The following GPCPD1 variants were observed in gnomAD, a reference collection of about 807,000 sequenced individuals.
GPCPD1 encodes glycerophosphocholine phosphodiesterase GPCPD1.
GPCPD1 carries 29 observed loss-of-function variants against 89.2 expected under a neutral mutation model. The observed-to-expected ratio is 0.33, with a 90% CI of 0.24 to 0.44. GPCPD1 has a LOEUF of 0.44. Among genes scored for constraint, GPCPD1 ranks in the 20% least tolerant of loss-of-function variants. The pLI, the probability that GPCPD1 is intolerant of heterozygous loss-of-function variation, is 1.00. For missense variants in GPCPD1, 594 were observed against 808.9 expected, an observed-to-expected ratio of 0.73 and a Z score of 3.22; for synonymous variants, 258 against 266.3, an observed-to-expected ratio of 0.97 and a Z score of 0.30.
At chr20:5,579,362 T>A (rs944821293) in intron 7 of GPCPD1, among the ~76,000 whole-genome samples, 7 of 152,164 alleles carry the variant, frequency 4.6e-5, no homozygotes, top group Non-Finnish European at 1.0e-4. Context: ...TATATCAATT[T>A]TTTCTTTTTT....
intron 11 of GPCPD1, among the ~76,000 whole-genome samples, chr20:5,571,395 TTAG>T (rs1027884478): frequency 6.6e-6 from 1 of 152,212 alleles, no homozygotes; most frequent in Non-Finnish European, 1.5e-5. Flanking sequence ...GAAAATAATT[TTAG>T]TAGAAGACAA....
chr20:5,560,634 A>T (rs1986030851), intron 16 of GPCPD1, among the ~76,000 whole-genome samples: 1 of 152,226 alleles, frequency 6.6e-6, no homozygotes, highest in Non-Finnish European at 1.5e-5. Flanking sequence ...CTAGAAGCTC[A>T]GAAAACTAAA....
intron 19 of GPCPD1, among the ~76,000 whole-genome samples, chr20:5,553,535 A>G (rs1436350269): frequency 1.3e-5 from 2 of 152,242 alleles, no homozygotes; most frequent in Non-Finnish European, 2.9e-5. Flanking sequence ...AAACTAAGAT[A>G]GGCTGAAAGC....
intron 7 of GPCPD1, 74 bp downstream of exon 7, chr20:5,579,934 A>G (rs943588478): frequency 8.6e-6 from 8 of 933,888 alleles, no homozygotes; most frequent in African/African-American, 6.6e-5. Context: ...CTTAAAGGCT[A>G]AAACCAATTG....
At chr20:5,598,855 A>T in intron 2 of GPCPD1, 34 bp from the exon 3 acceptor site, 1 of 1,315,142 alleles carries the variant, frequency 7.6e-7, no homozygotes, top group Non-Finnish European at 1.1e-6. Context: ...ACAGAGAAAC[A>T]GAACAATCAG....
chr20:5,601,361 C>CT (rs1209326779), intron 2 of GPCPD1, among the ~76,000 whole-genome samples: 2,371 of 73,032 alleles, frequency 0.032, 120 homozygotes, highest in African/African-American at 0.088. Flanking sequence ...CCCTGTTAAT[C>CT]TTTTTTTTTT....
At chr20:5,571,780 A>G (rs1444889501) in intron 11 of GPCPD1, among the ~76,000 whole-genome samples, 1 of 152,054 alleles carries the variant, frequency 6.6e-6, no homozygotes, top group East Asian at 1.9e-4. Context: ...ATGGTGGCAA[A>G]CGCCTGTAAT....
In GPCPD1 at chr20:5,544,883, G is replaced by C. The variant is rs1984960594; in HGVS notation, c.*2778C>G. 1 of 152,222 alleles carries C rather than the reference G, an allele frequency of 6.6e-6. No individual in the cohort carries two copies. The highest frequency in any genetic ancestry group is 2.4e-5 in the African/African-American group (1 of 41,446). The allele number at this position is 152,222 out of a possible 1,614,324, so 9.4% of individuals were successfully genotyped here. A position where few individuals can be genotyped will look rare whatever the true frequency, so the allele number is the denominator to read the frequency against. The stretch of plus-strand genomic sequence containing the variant: ...GCAGTACTGAGGTAGCTGTAAGCTT[G>C]GAGTTTGGATGGGAGACGACAGACA... On this transcript the variant is annotated 3_prime_UTR_variant, in exon 20 of 20. Transcript: ENST00000379019.
At chr20:5,561,401 G>C in intron 16 of GPCPD1, 64 bp downstream of exon 16, 1 of 855,406 alleles carries the variant, frequency 1.2e-6, no homozygotes, top group Non-Finnish European at 1.9e-6. Flanking sequence ...ACAAAGACAG[G>C]AATGAAAGAA....
chr20:5,566,961 C>T (rs112748395), intron 13 of GPCPD1, among the ~76,000 whole-genome samples, 189 bp from the exon 14 acceptor site: 7 of 152,126 alleles, frequency 4.6e-5, no homozygotes, highest in African/African-American at 1.7e-4. Flanking sequence ...AGATAATGAT[C>T]AAATACTCAA....
chr20:5,549,279 C>T, intron 19 of GPCPD1: 2 of 877,576 alleles, frequency 2.3e-6, no homozygotes, highest in Non-Finnish European at 1.9e-6. Flanking sequence ...GATATATGTG[C>T]AGCTGTTCTT....
intron 5 of GPCPD1, chr20:5,585,637 AAAAG>A (rs1305086442): frequency 6.6e-6 from 1 of 151,710 alleles, no homozygotes; most frequent in African/African-American, 2.4e-5. Context: ...ACAAAAAAAA[AAAAG>A]AAAACTTTCC....
At chr20:5,607,116 GTC>G (rs971799346) in intron 1 of GPCPD1, among the ~76,000 whole-genome samples, 45 of 151,958 alleles carry the variant, frequency 3.0e-4, no homozygotes, top group African/African-American at 9.6e-4. Context: ...GTGAAACTTT[GTC>G]TCTACTAAAA....
At chr20:5,590,111 T>A (rs1246807593) in intron 4 of GPCPD1, among the ~76,000 whole-genome samples, 1 of 144,290 alleles carries the variant, frequency 6.9e-6, no homozygotes, top group Admixed American at 6.7e-5. Flanking sequence ...TGGAAGTTTG[T>A]TTTTTAACAA....
chr20:5,604,917 T>G (rs1169438833), intron 1 of GPCPD1, among the ~76,000 whole-genome samples: 1 of 151,772 alleles, frequency 6.6e-6, no homozygotes, highest in Non-Finnish European at 1.5e-5. Context: ...TGTGCCACTG[T>G]ACTCTAGCCT....
In GPCPD1 at chr20:5,558,743, C is replaced by T. The variant is rs950528459; in HGVS notation, c.1609G>A (p.Asp537Asn). 6.9e-6 allele frequency: 11 copies of T among 1,600,100 alleles called. No homozygotes were observed. Among genetic ancestry groups the T allele is most frequent in the Non-Finnish European group, 9.4e-6 (11 of 1,171,790 alleles). The stretch of plus-strand genomic sequence containing the variant: ...ATGGGGGTTGTCCGAGATCTGAGGT[C>T]CATGAGTTCAGGATAAATCTCAGAT... ...GKSEIYPELM[D>N]LRSRTTPIAM... Residue 537 changes from aspartate (D) to asparagine (N), a missense_variant, in exon 18 of 20, where the codon GAC becomes AAC. By Grantham distance (23) the Asp-to-Asn change is conservative. Transcript: ENST00000379019.
At chr20:5,589,764 GA>G (rs1280695090) in intron 4 of GPCPD1, among the ~76,000 whole-genome samples, 2 of 152,070 alleles carry the variant, frequency 1.3e-5, no homozygotes, top group African/African-American at 4.8e-5. Flanking sequence ...TAAGATCTAA[GA>G]AAAGGAAACA....
At chr20:5,570,843 A>G (rs1378701874) in intron 11 of GPCPD1, among the ~76,000 whole-genome samples, 2 of 152,228 alleles carry the variant, frequency 1.3e-5, no homozygotes, top group African/African-American at 4.8e-5. Flanking sequence ...TGAGGAAGAC[A>G]TGAATTATAG....
intron 19 of GPCPD1, among the ~76,000 whole-genome samples, chr20:5,555,424 A>C (rs1241074948): frequency 6.6e-6 from 1 of 152,240 alleles, no homozygotes; most frequent in African/African-American, 2.4e-5. Flanking sequence ...CTGCAGTCCC[A>C]GCTACTCGGG....
Sources: allele counts gnomAD v4.1 joint callset (sites outside exome capture counted in the v4.1 genomes callset), GRCh38; gene constraint gnomAD v4.1.1; transcripts MANE v1.5; gene names NCBI Gene and HGNC (gene_info 2026-07-23, HGNC 2026-07-21).